Variants in KCNQ1 observed in about 807,000 individuals in gnomAD.
KCNQ1 encodes the protein potassium voltage-gated channel subfamily Q member 1, also known as potassium voltage-gated channel subfamily KQT member 1.
KCNQ1 carries 49 observed loss-of-function variants against 72.4 expected under a neutral mutation model. The ratio of observed to expected loss-of-function variants is 0.68; its 90% CI spans 0.54 to 0.86. The LOEUF (loss-of-function observed/expected upper bound fraction) is 0.86. KCNQ1 is among the 40% of genes least tolerant of loss of function. The pLI, the probability that KCNQ1 is intolerant of heterozygous loss-of-function variation, is 0.00. For synonymous variants in KCNQ1, 450 were observed against 412.6 expected (o/e 1.09, Z -1.10); for missense variants, 790 against 945.1 (o/e 0.84, Z 2.15).
At position 2,484,128 on chromosome 11, in the gene KCNQ1, T is replaced by C. The variant is rs1846696576; in HGVS notation, c.386+38644T>C. Among the ~76,000 whole-genome samples, 1 of 152,250 alleles carries C rather than the reference T, an allele frequency of 6.6e-6. No individual in the cohort carries two copies. Among genetic ancestry groups the C allele is most frequent in the African/African-American group, 2.4e-5 (1 of 41,472 alleles). ...TTTCATAGATACTTCTTTTGTGTTA[T>C]GGGCTATAAGCCAATGCTATTATTA... On this transcript the variant is annotated intron_variant, in intron 1 of 15. Transcript: ENST00000155840. This position sits in a 1 kb window ranked among gnomAD's most constrained non-coding sequence, Gnocchi z 5.2.
intron 11 of KCNQ1, among the ~76,000 whole-genome samples, chr11:2,738,496 G>T (rs1217096534): frequency 6.6e-6 from 1 of 152,164 alleles, no homozygotes; most frequent in Non-Finnish European, 1.5e-5. Flanking sequence ...TCTGCTGGGG[G>T]CAGAGACCCT....
At position 2,541,917 on chromosome 11, in the gene KCNQ1, T is replaced by G. The variant is rs763647445; in HGVS notation, c.477+13899T>G. 2.4e-4 allele frequency among the ~76,000 whole-genome samples: 36 copies of G among 152,170 alleles called. No individual in the cohort carries two copies. The highest frequency in any genetic ancestry group is 3.7e-4 in the Non-Finnish European group (25 of 68,014). On this transcript the variant is annotated intron_variant, in intron 2 of 15. Coordinates refer to ENST00000155840, the MANE Select transcript of KCNQ1 (RefSeq NM_000218.3). The surrounding 1 kb of genome is among the most constrained non-coding windows in gnomAD (Gnocchi z 4.8). Reference sequence around the variant, plus strand: ...GGTTTGGGGGCCAGTCGGCAGCCTCTGGAGGCCTCTGCACCCCTCCTGTGA... The same window carrying G: ...GGTTTGGGGGCCAGTCGGCAGCCTCGGGAGGCCTCTGCACCCCTCCTGTGA...
Position 2,787,801 on chromosome 11 carries a change from C to T in KCNQ1, c.1794+9764C>T, listed in dbSNP as rs1846940237. 6.6e-6 allele frequency among the ~76,000 whole-genome samples: 1 copy of T among 152,142 alleles called. No homozygotes were observed. The highest frequency in any genetic ancestry group is 1.5e-5 in the Non-Finnish European group (1 of 68,032). ...AAATTTACCATTGAAAAAGGAGATT[C>T]CCATGCCTAAGTCATTTCAAACATA... is the stretch of plus-strand genomic sequence containing the variant. On this transcript the variant is annotated intron_variant, in intron 15 of 15. Coordinates refer to ENST00000155840, the MANE Select transcript of KCNQ1 (RefSeq NM_000218.3). This position sits in a 1 kb window ranked among gnomAD's most constrained non-coding sequence, Gnocchi z 6.3.
Position 2,461,712 on chromosome 11 carries a change from G to A in KCNQ1, c.386+16228G>A, listed in dbSNP as rs866950552. 3 of 1,366,974 alleles carry A rather than the reference G, an allele frequency of 2.2e-6. No homozygotes were observed. In the African/African-American group the frequency reaches 4.4e-5, roughly 20 times the overall value. 84.7% of individuals were successfully genotyped at this position (1,366,974 alleles called of 1,614,324 possible). ...CCTGAGCCAGTGCGGGGCCTGGCAT[G>A]GAGTAGGTACCCCGGGGGTGGACAG... On this transcript the variant is annotated intron_variant, in intron 1 of 15. Coordinates refer to ENST00000155840, the MANE Select transcript of KCNQ1 (RefSeq NM_000218.3).
Position 2,627,455 on chromosome 11 carries a change from TC to T in KCNQ1, c.1394-34502del. 1 of 398,474 alleles carries T rather than the reference TC, an allele frequency of 2.5e-6. No individual in the cohort carries two copies. The allele number at this position is 398,474 out of a possible 1,614,324, so 24.7% of individuals were successfully genotyped here. A position where few individuals can be genotyped will look rare whatever the true frequency, so the allele number is the denominator to read the frequency against. On this transcript the variant is annotated intron_variant, in intron 10 of 15. Transcript: ENST00000155840. This position sits in a 1 kb window ranked among gnomAD's most constrained non-coding sequence, Gnocchi z 4.9. The stretch of plus-strand genomic sequence containing the variant: ...TTTGTACCCTTCAACATTTCCTATT[TC>T]CCCTACTCCCTGACCCCTAGTAACC...
At chr11:2,578,069 G>A (rs968346761) in intron 6 of KCNQ1, among the ~76,000 whole-genome samples, 1 of 152,244 alleles carries the variant, frequency 6.6e-6, no homozygotes. Context: ...GAAGGCTCTA[G>A]ACAGGCTCTA....
chr11:2,627,158 G>T lies in KCNQ1; in HGVS notation c.1394-34803G>T. ...CCTCCTTGGTAAAGTTGGTTCCTAA[G>T]TTTGTTATTCTTGATGCTTTTTTCA... On this transcript the variant is annotated intron_variant, in intron 10 of 15. Coordinates refer to ENST00000155840, the MANE Select transcript of KCNQ1 (RefSeq NM_000218.3). This position sits in a 1 kb window ranked among gnomAD's most constrained non-coding sequence, Gnocchi z 4.9. The T allele has an allele frequency of 2.5e-6, 1 of 398,396 alleles. No homozygotes were observed. The allele number at this position is 398,396 out of a possible 1,614,324, so 24.7% of individuals were successfully genotyped here. A position where few individuals can be genotyped will look rare whatever the true frequency, so the allele number is the denominator to read the frequency against.
At chr11:2,775,160 T>G (rs965268637) in intron 12 of KCNQ1, among the ~76,000 whole-genome samples, 1 of 152,232 alleles carries the variant, frequency 6.6e-6, no homozygotes, top group African/African-American at 2.4e-5. Flanking sequence ...AAACCCCTGC[T>G]CAGCCTGGCT....
chr11:2,614,736 T>G (rs1351765019), intron 10 of KCNQ1: 14 of 398,386 alleles, frequency 3.5e-5, no homozygotes, highest in Non-Finnish European at 5.3e-5. Flanking sequence ...GGTCTATATG[T>G]CCATCCTTGT....
chr11:2,583,728 C>T (rs1353109364), intron 7 of KCNQ1, among the ~76,000 whole-genome samples, 183 bp downstream of exon 7: 2 of 152,210 alleles, frequency 1.3e-5, no homozygotes, highest in East Asian at 1.9e-4. Flanking sequence ...GCAGACTTCC[C>T]GTTTGCAGTC....
At chr11:2,456,655 C>T (rs1223099425) in intron 1 of KCNQ1, among the ~76,000 whole-genome samples, 2 of 151,620 alleles carry the variant, frequency 1.3e-5, no homozygotes, top group South Asian at 2.1e-4. Flanking sequence ...GGCGCGGTGG[C>T]TCACGCCTGT....
intron 2 of KCNQ1, among the ~76,000 whole-genome samples, chr11:2,568,954 G>A (rs972116555): frequency 2.6e-5 from 4 of 151,360 alleles, no homozygotes; most frequent in East Asian, 1.9e-4. Context: ...GTGTGATCTC[G>A]GCTCACTGCA....
chr11:2,702,644 A>G (rs183577845), intron 11 of KCNQ1, among the ~76,000 whole-genome samples: 1 of 152,166 alleles, frequency 6.6e-6, no homozygotes, highest in Non-Finnish European at 1.5e-5. Flanking sequence ...TCCACCCTCT[A>G]CCTAACCCTG....
rs1849610193 is a variant in KCNQ1 at position 2,643,420 on chromosome 11, C to G, written c.1394-18541C>G. 5 of 398,358 alleles carry G rather than the reference C, an allele frequency of 1.3e-5. No individual in the cohort carries two copies. The East Asian group carries it at 1.8e-4, about 14-fold the overall frequency. 24.7% of individuals were successfully genotyped at this position (398,358 alleles called of 1,614,324 possible). A position where few individuals can be genotyped will look rare whatever the true frequency, so the allele number is the denominator to read the frequency against. On this transcript the variant is annotated intron_variant, in intron 10 of 15. Coordinates refer to ENST00000155840, the MANE Select transcript of KCNQ1 (RefSeq NM_000218.3). The stretch of plus-strand genomic sequence containing the variant: ...CTGTCACTATATAATGACTTCGTCT[C>G]TTTTTAGTGTTTTTAGCTTAACCTT...
Position 2,651,352 on chromosome 11 carries a change from G to GGT in KCNQ1, c.1394-10608_1394-10607dup. The GGT allele has an allele frequency of 2.5e-6, 1 of 398,674 alleles. No individual in the cohort carries two copies. Among genetic ancestry groups the GGT allele is most frequent in the Non-Finnish European group, 4.4e-6 (1 of 226,124 alleles). 24.7% of individuals were successfully genotyped at this position (398,674 alleles called of 1,614,324 possible). A position where few individuals can be genotyped will look rare whatever the true frequency, so the allele number is the denominator to read the frequency against. On this transcript the variant is annotated intron_variant, in intron 10 of 15. Transcript: ENST00000155840. This position sits in a 1 kb window ranked among gnomAD's most constrained non-coding sequence, Gnocchi z 6.1. The stretch of plus-strand genomic sequence containing the variant: ...TTCTACAAGCGGCTGAGAGAGCTGG[G>GGT]GTATTTATCTTTCACTAGTGAGTGC...
chr11:2,823,162 C>T (rs1847772349), intron 15 of KCNQ1, among the ~76,000 whole-genome samples: 1 of 152,072 alleles, frequency 6.6e-6, no homozygotes, highest in African/African-American at 2.4e-5. Context: ...CCTTCAGGAA[C>T]AGCAGAGATA....
At chr11:2,573,422 C>G (rs1278762689) in intron 6 of KCNQ1, among the ~76,000 whole-genome samples, 1 of 152,188 alleles carries the variant, frequency 6.6e-6, no homozygotes, top group African/African-American at 2.4e-5. Context: ...CACACAGGCC[C>G]TGTAAGTGCC....
chr11:2,569,098 C>A (rs1303897437), intron 2 of KCNQ1, among the ~76,000 whole-genome samples: 1 of 152,142 alleles, frequency 6.6e-6, no homozygotes, highest in Non-Finnish European at 1.5e-5. Context: ...GTTGATCAGG[C>A]TGGTCTTGAA....
At chr11:2,666,915 C>A in intron 11 of KCNQ1, 1 of 398,706 alleles carries the variant, frequency 2.5e-6, no homozygotes, top group Non-Finnish European at 4.4e-6. Flanking sequence ...GTCCTGTCTT[C>A]TGCAAAGCTC....
Sources: allele counts gnomAD v4.1 joint callset (sites outside exome capture counted in the v4.1 genomes callset), GRCh38; gene constraint gnomAD v4.1.1; non-coding constraint Gnocchi (gnomAD v3.1); transcripts MANE v1.5; gene names NCBI Gene and HGNC (gene_info 2026-07-23, HGNC 2026-07-21).